RAB10: variants seen among roughly 807,000 people sequenced by gnomAD.
RAB10 encodes the protein RAB10, member RAS oncogene family, also known as ras-related protein Rab-10.
A neutral mutation model predicts 25.7 loss-of-function variants in RAB10; 5 were observed. That is an observed-to-expected ratio of 0.19 (90% CI 0.10 to 0.41). The LOEUF is 0.41. Among genes scored for constraint, RAB10 ranks in the 10% least tolerant of loss-of-function variants. The pLI is 1.00. For synonymous variants in RAB10, 89 were observed against 86.4 expected, an observed-to-expected ratio of 1.03 and a Z score of -0.16; for missense variants, 103 against 245.8, an observed-to-expected ratio of 0.42 and a Z score of 3.89.
chr2:26,067,001 C>G (rs755768544), intron 1 of RAB10, among the ~76,000 whole-genome samples: 1 of 152,020 alleles, frequency 6.6e-6, no homozygotes, highest in African/African-American at 2.4e-5. Flanking sequence ...AGGCTGGTCT[C>G]GAACTCCTGA....
In RAB10 at chr2:26,087,592, G is replaced by A. The variant is rs1428480943; in HGVS notation, c.128-11070G>A. Among the ~76,000 whole-genome samples the A allele has an allele frequency of 5.9e-5, 9 of 152,024 alleles. No homozygotes were observed. The East Asian group carries it at 1.2e-3, about 20-fold the overall frequency. On this transcript the variant is annotated intron_variant, in intron 1 of 5. Coordinates refer to ENST00000264710, the MANE Select transcript of RAB10 (RefSeq NM_016131.5). Reference sequence around the variant, plus strand: ...TAATTTTTGTATTTTTAGTAGAGACGGGGTTTCACCAGTTGACCAGGTTGG... The same window carrying A: ...TAATTTTTGTATTTTTAGTAGAGACAGGGTTTCACCAGTTGACCAGGTTGG...
chr2:26,091,476 A>G (rs1667105629), intron 1 of RAB10, among the ~76,000 whole-genome samples: 2 of 152,168 alleles, frequency 1.3e-5, no homozygotes, highest in Admixed American at 1.3e-4. Flanking sequence ...AAGGAAGTCA[A>G]TACAATTAGC....
rs1053455835 is a variant in RAB10 at position 26,132,693 on chromosome 2, A to G, written c.520-2245A>G. On this transcript the variant is annotated intron_variant, in intron 5 of 5. Coordinates refer to ENST00000264710, the MANE Select transcript of RAB10 (RefSeq NM_016131.5). ...GGAGCCAGCCTAAAACTTTTAATAA[A>G]CTTAATTAAAACTCAACTTCAACTT... is the stretch of plus-strand genomic sequence containing the variant. Among the ~76,000 whole-genome samples, 8 of 152,156 alleles carry G rather than the reference A, an allele frequency of 5.3e-5. No individual in the cohort carries two copies. In the South Asian group the frequency reaches 1.7e-3, roughly 32 times the overall value.
chr2:26,094,621 C>A (rs958289866), intron 1 of RAB10, among the ~76,000 whole-genome samples: 3 of 151,748 alleles, frequency 2.0e-5, no homozygotes, highest in Admixed American at 2.0e-4. Context: ...TGCAGTGGTG[C>A]GATCTTGGCT....
intron 1 of RAB10, among the ~76,000 whole-genome samples, chr2:26,040,925 A>T (rs911265147): frequency 2.0e-5 from 3 of 152,170 alleles, no homozygotes; most frequent in African/African-American, 7.2e-5. Context: ...TTATGGTCAG[A>T]TTTATTGGAG....
chr2:26,120,936 A>C (rs1239198993), intron 3 of RAB10, among the ~76,000 whole-genome samples: 1 of 135,256 alleles, frequency 7.4e-6, no homozygotes, highest in Admixed American at 7.4e-5. Context: ...TCCCGAGACA[A>C]AGTCTTGCTC....
intron 1 of RAB10, among the ~76,000 whole-genome samples, chr2:26,077,904 G>A (rs116828723): frequency 0.016 from 2,370 of 152,200 alleles, 24 homozygotes; most frequent in Non-Finnish European, 0.025. Context: ...ACTTGGTCCC[G>A]GGAGGCGGGG....
intron 3 of RAB10, among the ~76,000 whole-genome samples, chr2:26,122,652 T>C: frequency 6.6e-6 from 1 of 150,994 alleles, no homozygotes; most frequent in Non-Finnish European, 1.5e-5. Flanking sequence ...AAAAAGGGCA[T>C]ACTTGTAGAC....
At chr2:26,101,578 G>A (rs1024648372) in intron 2 of RAB10, 2 of 152,632 alleles carry the variant, frequency 1.3e-5, no homozygotes, top group Non-Finnish European at 2.9e-5. Flanking sequence ...TGGGCACAGG[G>A]GCGGGCAGTG....
chr2:26,095,241 GAATTTATT>G (rs1667186877), intron 1 of RAB10, among the ~76,000 whole-genome samples: 1 of 152,120 alleles, frequency 6.6e-6, no homozygotes, highest in South Asian at 2.1e-4. Flanking sequence ...TTCAGGCAAA[GAATTTATT>G]GGTTCCAATT....
chr2:26,040,513 C>G (rs1053074863), intron 1 of RAB10, among the ~76,000 whole-genome samples: 1 of 152,016 alleles, frequency 6.6e-6, no homozygotes, highest in African/African-American at 2.4e-5. Flanking sequence ...AAAAAATTAG[C>G]AGGACATGGT....
chr2:26,134,992 G>A lies in RAB10; in HGVS notation c.574G>A (p.Val192Met), dbSNP rs149788536. The change falls in exon 6 of 6, where the codon GTG becomes ATG. Residue 192 changes from valine (V) to methionine (M), a missense_variant. Val to Met is a conservative substitution (Grantham distance 21). Transcript: ENST00000264710. ...ENVDISSGGG[V>M]TGWKSKCC ...TGTAGATATCAGCAGTGGAGGAGGC[G>A]TGACAGGCTGGAAGAGCAAATGCTG... The A allele has an allele frequency of 2.2e-5, 35 of 1,613,608 alleles. No homozygotes were observed. Among genetic ancestry groups the A allele is most frequent in the African/African-American group, 6.7e-5 (5 of 74,894 alleles).
chr2:26,089,129 A>C (rs1183823115), intron 1 of RAB10, among the ~76,000 whole-genome samples: 1 of 152,034 alleles, frequency 6.6e-6, no homozygotes. Context: ...TTATTCATAG[A>C]GAGTGATGAT....
rs1668028814 is a variant in RAB10, at chr2:26,132,457, T to C, written c.520-2481T>C. ...TTACTAGAGACAGGGTTTCAACATA[T>C]TGGCCAGACTGGTCTCGAAGTCCTG... On this transcript the variant is annotated intron_variant, in intron 5 of 5. Coordinates refer to ENST00000264710, the MANE Select transcript of RAB10 (RefSeq NM_016131.5). Among the ~76,000 whole-genome samples, 3 of 152,280 alleles carry C rather than the reference T, an allele frequency of 2.0e-5. No individual in the cohort carries two copies. The East Asian group carries it at 5.8e-4, about 29-fold the overall frequency.
chr2:26,048,792 C>G lies in RAB10; in HGVS notation c.127+14057C>G, dbSNP rs1666070860. Among the ~76,000 whole-genome samples the G allele has an allele frequency of 2.0e-5, 3 of 152,264 alleles. No homozygotes were observed. The South Asian group carries it at 6.2e-4, about 32-fold the overall frequency. On this transcript the variant is annotated intron_variant, in intron 1 of 5. Transcript: ENST00000264710. ...TGAGAGACTGAGATGGGAGGATCAG[C>G]TGAGGCCAGGGAGGTTGAGGCTGCA...
rs183426982 is a variant in RAB10 at position 26,068,048 on chromosome 2, T to G, written c.128-30614T>G. On this transcript the variant is annotated intron_variant, in intron 1 of 5. Transcript: ENST00000264710. Reference sequence around the variant, plus strand: ...AGAATAAACAGGTTATTAATTAATCTATTTCAGAGGATGGTCAGGTGGCCT... The same window carrying G: ...AGAATAAACAGGTTATTAATTAATCGATTTCAGAGGATGGTCAGGTGGCCT... 3.3e-5 allele frequency among the ~76,000 whole-genome samples: 5 copies of G among 152,300 alleles called. No homozygotes were observed. The East Asian group carries it at 9.6e-4, about 29-fold the overall frequency.
At chr2:26,038,473 G>A (rs1033463595) in intron 1 of RAB10, among the ~76,000 whole-genome samples, 2 of 152,052 alleles carry the variant, frequency 1.3e-5, no homozygotes, top group Non-Finnish European at 2.9e-5. Flanking sequence ...TGGGATTACA[G>A]GCATGAGCCA....
At chr2:26,119,402 C>T (rs1212626101) in intron 3 of RAB10, among the ~76,000 whole-genome samples, 1 of 151,564 alleles carries the variant, frequency 6.6e-6, no homozygotes, top group Non-Finnish European at 1.5e-5. Context: ...CAGCGAGACC[C>T]TGTCTCAAAA....
intron 3 of RAB10, among the ~76,000 whole-genome samples, chr2:26,126,877 T>A (rs1282404302): frequency 6.6e-6 from 1 of 152,220 alleles, no homozygotes; most frequent in African/African-American, 2.4e-5. Flanking sequence ...TCTCTTTTGG[T>A]AAGAAAGAAC....
Sources: gnomAD v4.1 joint callset for allele counts (sites outside exome capture counted in the v4.1 genomes callset) on GRCh38, gnomAD v4.1.1 for gene constraint, MANE v1.5 for transcripts, NCBI Gene and HGNC (gene_info 2026-07-23, HGNC 2026-07-21) for gene names.